Variants in TRHDE observed in about 807,000 individuals in gnomAD.
TRHDE encodes thyrotropin releasing hormone degrading enzyme.
TRHDE carries 72 observed loss-of-function variants against 125.7 expected under a neutral mutation model. The observed-to-expected ratio is 0.57, with a 90% CI of 0.47 to 0.70. TRHDE has a LOEUF of 0.70. Among genes scored for constraint, TRHDE ranks in the 30% least tolerant of loss-of-function variants. The pLI is 0.00. For synonymous variants in TRHDE, 509 were observed against 509.1 expected (o/e 1.00, Z 0.00); for missense variants, 1,110 against 1,327.1 (o/e 0.84, Z 2.54).
intron 2 of TRHDE, among the ~76,000 whole-genome samples, chr12:72,112,676 G>C (rs529714914): frequency 6.6e-6 from 1 of 152,116 alleles, no homozygotes; most frequent in African/African-American, 2.4e-5. Context: ...AACATCGTAA[G>C]AATTCAATGT....
chr12:72,259,684 G>A (rs1878902885), intron 2 of TRHDE, among the ~76,000 whole-genome samples: 1 of 152,008 alleles, frequency 6.6e-6, no homozygotes, highest in African/African-American at 2.4e-5. Flanking sequence ...ACCTTCTCCA[G>A]CATTAGGAAA....
At chr12:72,154,460 T>C (rs967107833) in intron 2 of TRHDE, among the ~76,000 whole-genome samples, 1 of 152,216 alleles carries the variant, frequency 6.6e-6, no homozygotes, top group Admixed American at 6.5e-5. Context: ...GCTATTTTGC[T>C]CGTTAGTTGA....
At chr12:72,477,343 T>C (rs1364590398) in intron 5 of TRHDE, among the ~76,000 whole-genome samples, 1 of 152,206 alleles carries the variant, frequency 6.6e-6, no homozygotes, top group East Asian at 1.9e-4. Flanking sequence ...AAACTTGGTA[T>C]CTAGATTCAG....
intron 2 of TRHDE, among the ~76,000 whole-genome samples, chr12:72,130,185 A>G (rs981366796): frequency 6.6e-6 from 1 of 152,144 alleles, no homozygotes; most frequent in Non-Finnish European, 1.5e-5. Context: ...CTGTAATCCC[A>G]GCTACTCGGG....
intron 3 of TRHDE, among the ~76,000 whole-genome samples, chr12:72,429,338 CATAATA>C (rs57170664): frequency 0.045 from 6,386 of 143,358 alleles, 460 homozygotes; most frequent in African/African-American, 0.15. Context: ...GAATTTAAAG[CATAATA>C]ATAATAATAA....
At chr12:72,119,226 G>A (rs1407269326) in intron 2 of TRHDE, among the ~76,000 whole-genome samples, 1 of 151,826 alleles carries the variant, frequency 6.6e-6, no homozygotes, top group African/African-American at 2.4e-5. Flanking sequence ...CATATGTTTT[G>A]GTATGTTGTG....
intron 6 of TRHDE, among the ~76,000 whole-genome samples, chr12:72,505,386 G>T (rs1878316194): frequency 6.6e-6 from 1 of 152,156 alleles, no homozygotes; most frequent in Non-Finnish European, 1.5e-5. Flanking sequence ...GGAATAGATG[G>T]ATTGAGACAG....
intron 5 of TRHDE, among the ~76,000 whole-genome samples, chr12:72,494,482 T>A (rs1402348847): frequency 6.6e-6 from 1 of 152,076 alleles, no homozygotes; most frequent in Non-Finnish European, 1.5e-5. Context: ...TTTTTTGGTC[T>A]GCTTTTTGGT....
At chr12:72,297,169 A>T (rs1880332449) in intron 2 of TRHDE, among the ~76,000 whole-genome samples, 1 of 152,338 alleles carries the variant, frequency 6.6e-6, no homozygotes, top group East Asian at 1.9e-4. Context: ...AGGGTAAGAC[A>T]TCTAGAGTAA....
At chr12:72,354,272 A>G (rs569467652) in intron 2 of TRHDE, among the ~76,000 whole-genome samples, 14 of 151,828 alleles carry the variant, frequency 9.2e-5, no homozygotes, top group South Asian at 6.2e-4. Context: ...ATGTAAAAAA[A>G]AGATATGTTT....
At chr12:72,097,467 T>TTTTTTTTTG (rs1874958049) in intron 1 of TRHDE, among the ~76,000 whole-genome samples, 1 of 130,952 alleles carries the variant, frequency 7.6e-6, no homozygotes, top group African/African-American at 2.8e-5. Context: ...TTTTTTTTTT[T>TTTTTTTTTG]AGACAGAGTT....
chr12:72,186,708 G>A (rs1319501603), intron 2 of TRHDE: 1 of 151,606 alleles, frequency 6.6e-6, no homozygotes, highest in Non-Finnish European at 1.5e-5. Context: ...ATTTGACATT[G>A]CCCATTGCCA....
chr12:72,365,367 C>T (rs1250173473), intron 2 of TRHDE, among the ~76,000 whole-genome samples: 1 of 152,014 alleles, frequency 6.6e-6, no homozygotes, highest in Non-Finnish European at 1.5e-5. Context: ...GTGTTAAGTG[C>T]AGGGCCCTGC....
chr12:72,399,316 T>C (rs1478486960), intron 3 of TRHDE, among the ~76,000 whole-genome samples: 1 of 152,174 alleles, frequency 6.6e-6, no homozygotes, highest in African/African-American at 2.4e-5. Flanking sequence ...CTTACAAACA[T>C]TAGATCATGA....
intron 1 of TRHDE, among the ~76,000 whole-genome samples, chr12:72,275,233 T>G (rs1159120008): frequency 6.6e-6 from 1 of 152,212 alleles, no homozygotes; most frequent in Non-Finnish European, 1.5e-5. Flanking sequence ...CAGAAGAAGT[T>G]ATTGTGTAAG....
At chr12:72,517,623 GT>G (rs1353743251) in intron 6 of TRHDE, among the ~76,000 whole-genome samples, 1 of 151,986 alleles carries the variant, frequency 6.6e-6, no homozygotes, top group Non-Finnish European at 1.5e-5. Flanking sequence ...TTTTTGAAGG[GT>G]TTTTTGTGTC....
chr12:72,645,782 A>G (rs1874256411), intron 15 of TRHDE, among the ~76,000 whole-genome samples: 1 of 152,166 alleles, frequency 6.6e-6, no homozygotes, highest in African/African-American at 2.4e-5. Flanking sequence ...TTCAGCAGAA[A>G]TCTTGCAAGC....
intron 2 of TRHDE, among the ~76,000 whole-genome samples, chr12:72,227,723 A>C (rs1010117314): frequency 6.6e-6 from 1 of 152,216 alleles, no homozygotes; most frequent in Admixed American, 6.5e-5. Flanking sequence ...CCGTAAAATC[A>C]AAAGCAAGTT....
intron 2 of TRHDE, among the ~76,000 whole-genome samples, chr12:72,141,371 C>A (rs191974820): frequency 6.6e-6 from 1 of 152,062 alleles, no homozygotes; most frequent in Non-Finnish European, 1.5e-5. Context: ...TGCTATGAGA[C>A]CCCAGTTTTT....
Sources: allele counts gnomAD v4.1 joint callset (sites outside exome capture counted in the v4.1 genomes callset), GRCh38; gene constraint gnomAD v4.1.1; transcripts MANE v1.5; gene names NCBI Gene and HGNC (gene_info 2026-07-23, HGNC 2026-07-21).